Variants in ZMYM6 observed in about 807,000 individuals in gnomAD.
The protein encoded by ZMYM6 is zinc finger MYM-type protein 6.
ZMYM6 carries 90 observed loss-of-function variants against 134.0 expected under a neutral mutation model. That is an observed-to-expected ratio of 0.67 (90% CI 0.57 to 0.80). The LOEUF (loss-of-function observed/expected upper bound fraction) is 0.80. ZMYM6 is among the 30% of genes least tolerant of loss of function. ZMYM6 has a pLI of 0.00. For synonymous variants in ZMYM6, 481 were observed against 524.1 expected (o/e 0.92, Z 1.12); for missense variants, 1,362 against 1,533.9 (o/e 0.89, Z 1.87).
chr1:34,995,523 T>C (rs1640769682), intron 14 of ZMYM6, among the ~76,000 whole-genome samples: 1 of 151,964 alleles, frequency 6.6e-6, no homozygotes, highest in African/African-American at 2.4e-5. Flanking sequence ...ATAATAAAAA[T>C]TATGTGAAGG....
At chr1:35,013,617 G>A (rs1221506207) in intron 6 of ZMYM6, 1 of 985,222 alleles carries the variant, frequency 1.0e-6, no homozygotes, top group Non-Finnish European at 1.2e-6. Context: ...CTGCTCAAAG[G>A]AAGCAACAAA....
intron 4 of ZMYM6, chr1:35,017,163 G>A (rs1641216887): frequency 6.6e-6 from 1 of 152,150 alleles, no homozygotes; most frequent in Non-Finnish European, 1.5e-5. Context: ...TCTGATTCTA[G>A]TCTATGGAAT....
At chr1:35,006,016 T>C (rs1412374550) in intron 12 of ZMYM6, among the ~76,000 whole-genome samples, 1 of 152,194 alleles carries the variant, frequency 6.6e-6, no homozygotes, top group African/African-American at 2.4e-5. Flanking sequence ...CAAGTGGCTT[T>C]TTTTTCTGAG....
At chr1:34,989,093 T>C (rs1382229609) in intron 15 of ZMYM6, 158 bp from the exon 16 acceptor site, 4 of 1,419,028 alleles carry the variant, frequency 2.8e-6, no homozygotes, top group Non-Finnish European at 3.7e-6. Flanking sequence ...ATACTTCCAA[T>C]GATGCTACTG....
intron 2 of ZMYM6, among the ~76,000 whole-genome samples, chr1:35,026,178 G>A (rs949452133): frequency 1.3e-5 from 2 of 151,920 alleles, no homozygotes; most frequent in East Asian, 3.9e-4. Flanking sequence ...CCACCACCGC[G>A]CCCGGCTAAT....
Position 35,010,007 on chromosome 1 carries a change from A to G in ZMYM6, c.1492+440T>C, listed in dbSNP as rs143579782. On this transcript the variant is annotated intron_variant, in intron 10 of 15. Transcript: ENST00000357182. ...AGTGAATTAACTATAAACACAATTC[A>G]AAAAAACCTTTTTTTTTTTGGAGAC... Among the ~76,000 whole-genome samples, 38 of 152,238 alleles carry G rather than the reference A, an allele frequency of 2.5e-4. No homozygotes were observed. The East Asian group carries it at 7.3e-3, about 29-fold the overall frequency.
rs1165433764 is a variant in ZMYM6 at position 35,005,116 on chromosome 1, T to C, written c.1954+16A>G. 6.8e-6 allele frequency: 11 copies of C among 1,613,520 alleles called. No individual in the cohort carries two copies. Among genetic ancestry groups the C allele is most frequent in the Non-Finnish European group, 9.3e-6 (11 of 1,179,776 alleles). Reference sequence around the variant, plus strand: ...ACTTCTATGGCTTAGCCAAATGCCATTATATCAAGTCATACCTTTTAAAAC... The same window carrying C: ...ACTTCTATGGCTTAGCCAAATGCCACTATATCAAGTCATACCTTTTAAAAC... On this transcript the variant is annotated intron_variant, in intron 13 of 15. Transcript: ENST00000357182.
Position 34,988,594 on chromosome 1 carries a change from T to G in ZMYM6, c.2488A>C (p.Lys830Gln). ...TGGAAAGCAATTAAATAAGAAGCTTTCACAAGTGACTTTTCAACTAGTAAA... is the reference window on the plus strand; with the variant it reads ...TGGAAAGCAATTAAATAAGAAGCTTGCACAAGTGACTTTTCAACTAGTAAA... ...KCLLVEKSLV[K>Q]ASYLIAFQTA... Residue 830 changes from lysine (K) to glutamine (Q), a missense_variant, in exon 16 of 16, where the codon AAA (lysine) becomes CAA (glutamine). Transcript: ENST00000357182. 1 of 1,550,860 alleles carries G rather than the reference T, an allele frequency of 6.4e-7. No homozygotes were observed. Among genetic ancestry groups the G allele is most frequent in the Non-Finnish European group, 8.7e-7 (1 of 1,146,844 alleles).
chr1:35,021,824 CAAAATGTAATCATGAAACATTTTT>C (rs1388967245), intron 2 of ZMYM6, among the ~76,000 whole-genome samples: 1 of 151,996 alleles, frequency 6.6e-6, no homozygotes, highest in Non-Finnish European at 1.5e-5. Context: ...CGTTTTAAAA[CAAAATGTAATCATGAAACATTTTT>C]AAAATGTAAA....
intron 4 of ZMYM6, among the ~76,000 whole-genome samples, chr1:35,015,948 T>C (rs1187216719): frequency 6.9e-6 from 1 of 143,922 alleles, no homozygotes; most frequent in Admixed American, 6.9e-5. Context: ...TTTCTTTCTT[T>C]TTTTTTTTTT....
At chr1:35,002,839 T>TA (rs1640902669) in intron 14 of ZMYM6, among the ~76,000 whole-genome samples, 1 of 152,010 alleles carries the variant, frequency 6.6e-6, no homozygotes, top group South Asian at 2.1e-4. Flanking sequence ...TTCTACGATA[T>TA]AAAAAAAGAG....
intron 1 of ZMYM6, 146 bp from the exon 2 acceptor site, chr1:35,030,859 G>C: frequency 3.8e-6 from 2 of 525,702 alleles, no homozygotes; most frequent in Non-Finnish European, 6.6e-6. Context: ...CTTTCTTCCT[G>C]CTTTCTGTTC....
At chr1:35,010,342 C>G (rs9919282) in intron 10 of ZMYM6, 105 bp downstream of exon 10, 114,539 of 1,428,890 alleles carry the variant, frequency 0.08, 18,595 homozygotes, top group African/African-American at 0.61. Flanking sequence ...TCTAATTACA[C>G]CTTGTAAGAC....
In ZMYM6 at chr1:35,014,748, AG is replaced by A. The variant is rs1641150173; in HGVS notation, c.743del (p.Pro248LeufsTer32). ...CGSYCYSSSG[P>X]CQSQKVFSST... ...AACTAAAAACCTTCTGGGATTGGCAAGGACCAGAGCTACTATAGCAATAGCT... is the reference window on the plus strand; with the variant it reads ...AACTAAAAACCTTCTGGGATTGGCAAGACCAGAGCTACTATAGCAATAGCT... On this transcript the variant is annotated frameshift_variant, in exon 6 of 16. Transcript: ENST00000357182. LOFTEE classifies it high-confidence loss of function. 8.1e-6 allele frequency: 13 copies of A among 1,614,182 alleles called. No individual in the cohort carries two copies. Among genetic ancestry groups the A allele is most frequent in the Non-Finnish European group, 1.1e-5 (13 of 1,180,030 alleles).
Position 34,995,054 on chromosome 1 carries a change from GTA to G in ZMYM6, c.1993-2669_1993-2668del, listed in dbSNP as rs754005886. 3.9e-3 allele frequency among the ~76,000 whole-genome samples: 486 copies of G among 124,832 alleles called. 4 individuals carry two copies. The highest frequency in any genetic ancestry group is 0.013 in the African/African-American group (414 of 30,752). 81.9% of individuals were successfully genotyped at this position (124,832 alleles called of 152,430 possible). A position where few individuals can be genotyped will look rare whatever the true frequency, so the allele number is the denominator to read the frequency against. Reference sequence around the variant, plus strand: ...ATATGTAATATATATACTTACATACGTATATATATGTAATATATATACTTACA... The same window carrying G: ...ATATGTAATATATATACTTACATACGTATATATGTAATATATATACTTACA... On this transcript the variant is annotated intron_variant, in intron 14 of 15. Coordinates refer to ENST00000357182, the MANE Select transcript of ZMYM6 (RefSeq NM_007167.4).
chr1:35,013,327 C>T, intron 6 of ZMYM6: 2 of 963,332 alleles, frequency 2.1e-6, no homozygotes, highest in Non-Finnish European at 2.5e-6. Context: ...GTTCAGGCTC[C>T]TAACCACTAC....
intron 4 of ZMYM6, among the ~76,000 whole-genome samples, chr1:35,016,846 A>T (rs1263295863): frequency 1.3e-5 from 2 of 151,974 alleles, no homozygotes; most frequent in African/African-American, 4.8e-5. Flanking sequence ...CTATAAAAAA[A>T]ATTTTTTAAT....
chr1:35,008,883 C>G lies in ZMYM6; in HGVS notation c.1534G>C (p.Gly512Arg). The change falls in exon 11 of 16, where the codon GGA (glycine) becomes CGA (arginine). Residue 512 changes from glycine (G) to arginine (R), a missense_variant. By Grantham distance (125) the Gly-to-Arg change is moderately radical. Transcript: ENST00000357182. The part of the protein sequence containing the change: ...LSARDFGERW[G>R]NYCKMCSYCS... The stretch of plus-strand genomic sequence containing the variant: ...TAGCTGCACATCTTACAGTAGTTTC[C>G]CCATCGTTCTCCAAAGTCACGGGCA... 6.2e-7 allele frequency: 1 copy of G among 1,613,432 alleles called. No homozygotes were observed. The highest frequency in any genetic ancestry group is 8.5e-7 in the Non-Finnish European group (1 of 1,179,754).
At position 35,019,146 on chromosome 1, in the gene ZMYM6, T is replaced by C. The variant is rs1641258251; in HGVS notation, c.428+207A>G. Reference sequence around the variant, plus strand: ...CTTTCCATAGTAAAATTTAAAGTGATAGAAAACTGGTTTAGGCAATATTCT... The same window carrying C: ...CTTTCCATAGTAAAATTTAAAGTGACAGAAAACTGGTTTAGGCAATATTCT... On this transcript the variant is annotated intron_variant, in intron 4 of 15. Transcript: ENST00000357182. 7.4e-6 allele frequency: 5 copies of C among 672,982 alleles called. No individual in the cohort carries two copies. The Admixed American group carries it at 1.3e-4, about 17-fold the overall frequency. The allele number at this position is 672,982 out of a possible 1,614,324, so 41.7% of individuals were successfully genotyped here. A position where few individuals can be genotyped will look rare whatever the true frequency, so the allele number is the denominator to read the frequency against.
Sources: gnomAD v4.1 joint callset for allele counts (sites outside exome capture counted in the v4.1 genomes callset) on GRCh38, gnomAD v4.1.1 for gene constraint, MANE v1.5 for transcripts, NCBI Gene and HGNC (gene_info 2026-07-23, HGNC 2026-07-21) for gene names.